The following MSI2 variants were observed in gnomAD, a reference collection of about 807,000 sequenced individuals.
MSI2 encodes musashi RNA binding protein 2.
MSI2 carries 17 observed loss-of-function variants against 45.6 expected under a neutral mutation model. The ratio of observed to expected loss-of-function variants is 0.37; its 90% CI spans 0.26 to 0.56. MSI2 has a LOEUF of 0.56. Ranked by LOEUF, MSI2 falls within the 20% of genes least tolerant of loss-of-function variation. The pLI, the probability that MSI2 is intolerant of heterozygous loss-of-function variation, is 0.77. For synonymous variants in MSI2, 156 were observed against 158.2 expected, an observed-to-expected ratio of 0.99 and a Z score of 0.11; for missense variants, 293 against 444.2, an observed-to-expected ratio of 0.66 and a Z score of 3.06.
At chr17:57,306,391 C>G (rs186348565) in intron 5 of MSI2, among the ~76,000 whole-genome samples, 44 of 152,236 alleles carry the variant, frequency 2.9e-4, no homozygotes, top group Middle Eastern at 3.4e-3. Context: ...AAACAGATGA[C>G]CTTACAGTGA....
At chr17:57,561,944 T>G (rs527927448) in intron 7 of MSI2, among the ~76,000 whole-genome samples, 3 of 152,218 alleles carry the variant, frequency 2.0e-5, no homozygotes, top group Admixed American at 2.0e-4. Flanking sequence ...TGGATTCAAA[T>G]TCCGGTTCTT....
intron 5 of MSI2, among the ~76,000 whole-genome samples, chr17:57,347,458 T>A (rs1285058372): frequency 6.6e-6 from 1 of 152,242 alleles, no homozygotes; most frequent in Non-Finnish European, 1.5e-5. Flanking sequence ...ATCCTGCCTG[T>A]GGGTCTCATT....
In MSI2 at chr17:57,683,816, G is replaced by T; in HGVS notation, c.*4299G>T. The T allele has an allele frequency of 4.3e-6, 1 of 232,220 alleles. No individual in the cohort carries two copies. The highest frequency in any genetic ancestry group is 8.5e-6 in the Non-Finnish European group (1 of 117,522). 14.4% of individuals were successfully genotyped at this position (232,220 alleles called of 1,614,324 possible). A position where few individuals can be genotyped will look rare whatever the true frequency, so the allele number is the denominator to read the frequency against. On this transcript the variant is annotated 3_prime_UTR_variant, in exon 14 of 14. Coordinates refer to ENST00000284073, the MANE Select transcript of MSI2 (RefSeq NM_138962.4). This position sits in a 1 kb window ranked among gnomAD's most constrained non-coding sequence, Gnocchi z 5.2. ...CGGGTTTCCCCACCCTCACCCCAAA[G>T]CAGAAAACTAGCAGACGTCAGCTCA...
At chr17:57,507,219 GTCTC>G (rs796078434) in intron 6 of MSI2, among the ~76,000 whole-genome samples, 23 of 74,524 alleles carry the variant, frequency 3.1e-4, no homozygotes, top group South Asian at 9.5e-4. Flanking sequence ...TTTTGTCTTT[GTCTC>G]TCTGTGTGTG....
intron 7 of MSI2, among the ~76,000 whole-genome samples, chr17:57,555,961 A>G (rs1057314668): frequency 1.3e-4 from 20 of 152,226 alleles, no homozygotes; most frequent in South Asian, 6.2e-4. Flanking sequence ...CCATGTCCCA[A>G]TGATGCCTGG....
intron 5 of MSI2, among the ~76,000 whole-genome samples, chr17:57,343,124 G>A (rs1352205388): frequency 6.6e-6 from 1 of 152,150 alleles, no homozygotes; most frequent in Non-Finnish European, 1.5e-5. Flanking sequence ...TTTGCTGTCT[G>A]TACGTTTGTT....
At chr17:57,505,717 A>G (rs2086212974) in intron 6 of MSI2, among the ~76,000 whole-genome samples, 1 of 152,064 alleles carries the variant, frequency 6.6e-6, no homozygotes. Flanking sequence ...GCCGAGTGCC[A>G]TCTTGGTTTG....
intron 6 of MSI2, among the ~76,000 whole-genome samples, chr17:57,420,814 A>G (rs2084381690): frequency 6.6e-6 from 1 of 152,212 alleles, no homozygotes; most frequent in African/African-American, 2.4e-5. Context: ...GGTGTCTGTC[A>G]TCTATCTGAA....
At chr17:57,264,060 G>T (rs1263284375) in intron 5 of MSI2, 1 of 152,214 alleles carries the variant, frequency 6.6e-6, no homozygotes, top group African/African-American at 2.4e-5. Flanking sequence ...TGATGACATA[G>T]CTCTCCCAGA....
Position 57,529,527 on chromosome 17 carries a change from T to C in MSI2, c.406-149T>C. The C allele has an allele frequency of 1.4e-6, 1 of 698,748 alleles. No individual in the cohort carries two copies. Among genetic ancestry groups the C allele is most frequent in the Non-Finnish European group, 2.5e-6 (1 of 403,738 alleles). 43.3% of individuals were successfully genotyped at this position (698,748 alleles called of 1,614,324 possible). On this transcript the variant is annotated intron_variant, in intron 6 of 13. Transcript: ENST00000284073. The surrounding 1 kb of genome is among the most constrained non-coding windows in gnomAD (Gnocchi z 5.3). ...GGAAAGACCACTGTTTTTTTTTCTT[T>C]CTACTTTTTTGCATTTTCAAATATT...
intron 7 of MSI2, among the ~76,000 whole-genome samples, chr17:57,537,645 A>AT (rs1256848138): frequency 6.6e-6 from 1 of 152,076 alleles, no homozygotes; most frequent in African/African-American, 2.4e-5. Context: ...GTGTGCTTTC[A>AT]TTTTTTTCCC....
chr17:57,293,404 G>A (rs1301622974), intron 5 of MSI2, among the ~76,000 whole-genome samples: 5 of 152,154 alleles, frequency 3.3e-5, no homozygotes, highest in Non-Finnish European at 7.3e-5. Flanking sequence ...GAACGCCTGA[G>A]CACTGCGATC....
chr17:57,510,751 C>A (rs952408400), intron 6 of MSI2, among the ~76,000 whole-genome samples: 1 of 152,166 alleles, frequency 6.6e-6, no homozygotes, highest in African/African-American at 2.4e-5. Context: ...AAAAGCCATG[C>A]GAGTTCTAAA....
intron 6 of MSI2, among the ~76,000 whole-genome samples, chr17:57,511,170 G>A (rs2086345877): frequency 6.6e-6 from 1 of 152,220 alleles, no homozygotes; most frequent in Non-Finnish European, 1.5e-5. Context: ...TGAGTCCCCA[G>A]AGCAGGGTCC....
intron 6 of MSI2, among the ~76,000 whole-genome samples, chr17:57,492,451 G>A (rs2085892484): frequency 6.6e-6 from 1 of 152,184 alleles, no homozygotes; most frequent in Non-Finnish European, 1.5e-5. Flanking sequence ...CTAAGTCTTT[G>A]GCAGCTGATG....
intron 5 of MSI2, among the ~76,000 whole-genome samples, chr17:57,364,686 C>T (rs1268554481): frequency 2.0e-5 from 3 of 152,102 alleles, no homozygotes; most frequent in Admixed American, 1.3e-4. Flanking sequence ...ACCCAGCTCC[C>T]CCAGATGACA....
intron 5 of MSI2, among the ~76,000 whole-genome samples, chr17:57,288,217 T>G (rs555716621): frequency 6.6e-6 from 1 of 152,178 alleles, no homozygotes; most frequent in African/African-American, 2.4e-5. Flanking sequence ...AGACAGAACT[T>G]TCTGTAGAGC....
chr17:57,434,348 C>T (rs2084653473), intron 6 of MSI2, among the ~76,000 whole-genome samples: 1 of 152,222 alleles, frequency 6.6e-6, no homozygotes. Context: ...AATCTGCCCG[C>T]CTCGGCCTCC....
chr17:57,490,885 C>G (rs1275358958), intron 6 of MSI2, among the ~76,000 whole-genome samples: 6 of 81,778 alleles, frequency 7.3e-5, no homozygotes, highest in African/African-American at 2.9e-4. Flanking sequence ...TCTCTTTCTT[C>G]CCCTCTGTTT....
Sources: allele counts gnomAD v4.1 joint callset (sites outside exome capture counted in the v4.1 genomes callset), GRCh38; gene constraint gnomAD v4.1.1; non-coding constraint Gnocchi (gnomAD v3.1); transcripts MANE v1.5; gene names NCBI Gene and HGNC (gene_info 2026-07-23, HGNC 2026-07-21).